The following GRK5 variants were observed in gnomAD, a reference collection of about 807,000 sequenced individuals.
GRK5 encodes the protein g protein-coupled receptor kinase GRK5.
Under a neutral mutation model 78.4 loss-of-function variants are expected in GRK5, and 40 were observed. That is an observed-to-expected ratio of 0.51 (90% CI 0.40 to 0.66). The LOEUF (loss-of-function observed/expected upper bound fraction) is 0.66. GRK5 is among the 30% of genes least tolerant of loss of function. GRK5 has a pLI of 0.00. For missense variants in GRK5, 598 were observed against 759.9 expected (o/e 0.79, Z 2.50); for synonymous variants, 289 against 296.8 (o/e 0.97, Z 0.27).
At position 119,213,593 on chromosome 10, in the gene GRK5, T is replaced by G. The variant is rs371381304; in HGVS notation, c.52+5624T>G. 1.1e-4 allele frequency among the ~76,000 whole-genome samples: 16 copies of G among 152,354 alleles called. No individual in the cohort carries two copies. The East Asian group carries it at 2.9e-3, about 27-fold the overall frequency. ...CCACTTTAAAACATATCCTGTTATA[T>G]TTCAGTGAAAATTTTTATTTAAAAA... On this transcript the variant is annotated intron_variant, in intron 1 of 15. Coordinates refer to ENST00000392870, the MANE Select transcript of GRK5 (RefSeq NM_005308.3).
chr10:119,261,271 G>C (rs377574899), intron 1 of GRK5, among the ~76,000 whole-genome samples: 1 of 149,904 alleles, frequency 6.7e-6, no homozygotes, highest in African/African-American at 2.5e-5. Flanking sequence ...GGTGGCGGCC[G>C]GGCAGAGGCG....
intron 1 of GRK5, among the ~76,000 whole-genome samples, chr10:119,247,373 A>T (rs1193712985): frequency 6.6e-6 from 1 of 152,202 alleles, no homozygotes; most frequent in Non-Finnish European, 1.5e-5. Flanking sequence ...TCCACAGTCG[A>T]TGACTCCCCC....
intron 3 of GRK5, among the ~76,000 whole-genome samples, chr10:119,393,341 C>T (rs527607370): frequency 1.1e-3 from 166 of 152,348 alleles, no homozygotes; most frequent in African/African-American, 3.8e-3. Flanking sequence ...GGGCCTCTGC[C>T]GGGAGGCAGG....
intron 1 of GRK5, among the ~76,000 whole-genome samples, chr10:119,241,993 A>G (rs1294939581): frequency 6.6e-6 from 1 of 152,062 alleles, no homozygotes; most frequent in African/African-American, 2.4e-5. Flanking sequence ...TGTATGGTAA[A>G]TAAGGGTTGT....
Position 119,364,929 on chromosome 10 carries a change from T to A in GRK5, c.149-15886T>A, listed in dbSNP as rs531394371. Among the ~76,000 whole-genome samples, 8 of 152,366 alleles carry A rather than the reference T, an allele frequency of 5.3e-5. No individual in the cohort carries two copies. In the South Asian group the frequency reaches 1.7e-3, roughly 32 times the overall value. On this transcript the variant is annotated intron_variant, in intron 2 of 15. Transcript: ENST00000392870. Reference sequence around the variant, plus strand: ...AATAAGGGTTTCACCACAATCATATTCTTTGATCATCCTAATTATTTTTTT... The same window carrying A: ...AATAAGGGTTTCACCACAATCATATACTTTGATCATCCTAATTATTTTTTT...
intron 1 of GRK5, among the ~76,000 whole-genome samples, chr10:119,252,515 C>T (rs1005430040): frequency 1.3e-5 from 2 of 152,072 alleles, no homozygotes; most frequent in African/African-American, 2.4e-5. Context: ...GGCACTGGAC[C>T]GGGTGTCTCG....
Position 119,336,523 on chromosome 10 carries a change from T to C in GRK5, c.148+9912T>C, listed in dbSNP as rs1850890347. ...ATGAATAAAGACCAAATACCCTGCC[T>C]GATTCCACAGTGGGGCAGAGGGAAT... On this transcript the variant is annotated intron_variant, in intron 2 of 15. Coordinates refer to ENST00000392870, the MANE Select transcript of GRK5 (RefSeq NM_005308.3). This position sits in a 1 kb window ranked among gnomAD's most constrained non-coding sequence, Gnocchi z 4.5. 6.6e-6 allele frequency among the ~76,000 whole-genome samples: 1 copy of C among 152,254 alleles called. No individual in the cohort carries two copies. The highest frequency in any genetic ancestry group is 2.4e-5 in the African/African-American group (1 of 41,464).
chr10:119,362,529 T>C (rs771791023), intron 2 of GRK5, among the ~76,000 whole-genome samples: 8 of 152,238 alleles, frequency 5.3e-5, no homozygotes, highest in Admixed American at 4.6e-4. Flanking sequence ...ACTATAACTC[T>C]TCATAAAATG....
chr10:119,231,676 T>TAGCCTGAG (rs1184603654), intron 1 of GRK5, among the ~76,000 whole-genome samples: 2 of 141,690 alleles, frequency 1.4e-5, no homozygotes. Flanking sequence ...CACCGCACTC[T>TAGCCTGAG]AGCCTGAGTG....
At chr10:119,295,001 T>C (rs910800065) in intron 1 of GRK5, among the ~76,000 whole-genome samples, 6 of 151,866 alleles carry the variant, frequency 4.0e-5, no homozygotes, top group Non-Finnish European at 5.9e-5. Flanking sequence ...CCATCCTGGC[T>C]AACATGGTGA....
rs1289278510 is a variant in GRK5 at position 119,394,346 on chromosome 10, GCA to G, written c.262-2348_262-2347del. Among the ~76,000 whole-genome samples the G allele has an allele frequency of 5.7e-4, 58 of 101,024 alleles. 1 individual carries two copies. The highest frequency in any genetic ancestry group is 6.4e-4 in the Non-Finnish European group (30 of 46,516). The allele number at this position is 101,024 out of a possible 152,430, so 66.3% of individuals were successfully genotyped here. A position where few individuals can be genotyped will look rare whatever the true frequency, so the allele number is the denominator to read the frequency against. ...TGTGTATCTGTGTGTCTGTGTGTGG[GCA>G]TGTGGGTGTGTGGGTGTGTGTGGGT... On this transcript the variant is annotated intron_variant, in intron 3 of 15. Coordinates refer to ENST00000392870, the MANE Select transcript of GRK5 (RefSeq NM_005308.3).
chr10:119,442,246 T>A (rs1049666582), intron 11 of GRK5, among the ~76,000 whole-genome samples, 158 bp downstream of exon 11: 4 of 152,336 alleles, frequency 2.6e-5, no homozygotes, highest in African/African-American at 9.6e-5. Flanking sequence ...GGGGGCGGCC[T>A]TAGCCAGGGG....
At chr10:119,302,033 G>A (rs992830761) in intron 1 of GRK5, among the ~76,000 whole-genome samples, 4 of 152,216 alleles carry the variant, frequency 2.6e-5, no homozygotes, top group Non-Finnish European at 5.9e-5. Context: ...ATGAAGGAAC[G>A]CTGCATTTCT....
intron 2 of GRK5, among the ~76,000 whole-genome samples, chr10:119,362,252 C>T (rs762873778): frequency 6.6e-6 from 1 of 152,226 alleles, no homozygotes; most frequent in Non-Finnish European, 1.5e-5. Flanking sequence ...AACTTCCTGT[C>T]CCTTGTAAGT....
At chr10:119,278,151 G>A (rs1849698578) in intron 1 of GRK5, among the ~76,000 whole-genome samples, 1 of 152,134 alleles carries the variant, frequency 6.6e-6, no homozygotes. Context: ...TTGGGACAAG[G>A]AATCGTTGTT....
At chr10:119,414,530 A>T (rs1257138037) in intron 4 of GRK5, among the ~76,000 whole-genome samples, 1 of 152,182 alleles carries the variant, frequency 6.6e-6, no homozygotes, top group African/African-American at 2.4e-5. Context: ...CACACTGTCT[A>T]GGAAGGAATG....
intron 2 of GRK5, among the ~76,000 whole-genome samples, chr10:119,365,263 A>T (rs1851427073): frequency 6.6e-6 from 1 of 152,268 alleles, no homozygotes; most frequent in South Asian, 2.1e-4. Flanking sequence ...AAGCAGTGGT[A>T]TTGCATGCTG....
At chr10:119,405,732 A>G (rs1852227995) in intron 4 of GRK5, among the ~76,000 whole-genome samples, 1 of 152,002 alleles carries the variant, frequency 6.6e-6, no homozygotes, top group Admixed American at 6.5e-5. Context: ...AGTTTCCCCA[A>G]CTGAGTATGG....
At chr10:119,210,188 T>A (rs150983625) in intron 1 of GRK5, among the ~76,000 whole-genome samples, 1 of 152,286 alleles carries the variant, frequency 6.6e-6, no homozygotes, top group African/African-American at 2.4e-5. Flanking sequence ...CTGTGAGAGT[T>A]TGGTCGTCAT....
Sources: gnomAD v4.1 joint callset for allele counts (sites outside exome capture counted in the v4.1 genomes callset) on GRCh38, gnomAD v4.1.1 for gene constraint, Gnocchi (gnomAD v3.1) non-coding constraint, MANE v1.5 for transcripts, NCBI Gene and HGNC (gene_info 2026-07-23, HGNC 2026-07-21) for gene names.